Variants in CD4 observed in about 807,000 individuals in gnomAD.
CD4 encodes the protein CD4 molecule, also known as T-cell surface glycoprotein CD4.
A neutral mutation model predicts 50.5 loss-of-function variants in CD4; 25 were observed. The observed-to-expected ratio is 0.49, with a 90% CI of 0.36 to 0.69. The LOEUF (loss-of-function observed/expected upper bound fraction) is 0.69. CD4 is among the 30% of genes least tolerant of loss of function. CD4 has a pLI of 0.00. For synonymous variants in CD4, 207 were observed against 221.9 expected, an observed-to-expected ratio of 0.93 and a Z score of 0.60; for missense variants, 456 against 548.5, an observed-to-expected ratio of 0.83 and a Z score of 1.68.
rs147732769 is a variant in CD4 at position 6,817,030 on chromosome 12, C to G, written c.956-100C>G. The G allele has an allele frequency of 6.0e-6, 6 of 1,006,796 alleles. No homozygotes were observed. The South Asian group carries it at 9.1e-5, about 15-fold the overall frequency. The allele number at this position is 1,006,796 out of a possible 1,614,324, so 62.4% of individuals were successfully genotyped here. On this transcript the variant is annotated intron_variant, in intron 6 of 9. Transcript: ENST00000011653. ...TTTCCTCGTAGGACTGCATGAAAACCTGCTCTAAAAGGCTAAAAGAAGGTC... is the reference window on the plus strand; with the variant it reads ...TTTCCTCGTAGGACTGCATGAAAACGTGCTCTAAAAGGCTAAAAGAAGGTC...
chr12:6,811,362 C>T (rs915054032), intron 3 of CD4, among the ~76,000 whole-genome samples: 4 of 152,080 alleles, frequency 2.6e-5, no homozygotes, highest in Non-Finnish European at 5.9e-5. Flanking sequence ...TTAGATTTTA[C>T]AAGAAGAGGC....
chr12:6,816,106 G>A lies in CD4; in HGVS notation c.658G>A (p.Glu220Lys), dbSNP rs200486856. ...CTATAAGAAAGAGGGGGAACAGGTGGAGTTCTCCTTCCCACTCGCCTTTAC... is the reference window on the plus strand; with the variant it reads ...CTATAAGAAAGAGGGGGAACAGGTGAAGTTCTCCTTCCCACTCGCCTTTAC... ...IVYKKEGEQV[E>K]FSFPLAFTVE... Residue 220 changes from glutamate to lysine, a missense_variant, in exon 6 of 10, where the codon GAG becomes AAG. Glu to Lys is a moderately conservative substitution (Grantham distance 56). Transcript: ENST00000011653. The surrounding 1 kb of genome is among the most constrained non-coding windows in gnomAD (Gnocchi z 4.9). 1.2e-6 allele frequency: 2 copies of A among 1,614,196 alleles called. No individual in the cohort carries two copies. Among genetic ancestry groups the A allele is most frequent in the Non-Finnish European group, 1.7e-6 (2 of 1,180,036 alleles).
At chr12:6,809,305 G>C (rs1437536211) in intron 3 of CD4, among the ~76,000 whole-genome samples, 5 of 152,086 alleles carry the variant, frequency 3.3e-5, no homozygotes, top group African/African-American at 4.8e-5. Flanking sequence ...AGACCAGCCT[G>C]GGCAACAGGG....
chr12:6,815,494 T>C lies in CD4; in HGVS notation c.607+502T>C, dbSNP rs117393534. 8.1e-4 allele frequency among the ~76,000 whole-genome samples: 124 copies of C among 152,312 alleles called. 1 individual carries two copies. Among genetic ancestry groups the C allele is most frequent in the Non-Finnish European group, 1.5e-3 (104 of 68,020 alleles). ...GTGACTTAAGGTAGACATAAGGTAGTGTGCCAGTTTAGTGCATGTACGCTG... is the reference window on the plus strand; with the variant it reads ...GTGACTTAAGGTAGACATAAGGTAGCGTGCCAGTTTAGTGCATGTACGCTG... On this transcript the variant is annotated intron_variant, in intron 5 of 9. Coordinates refer to ENST00000011653, the MANE Select transcript of CD4 (RefSeq NM_000616.5).
chr12:6,809,646 T>C (rs74689631), intron 3 of CD4, among the ~76,000 whole-genome samples: 1,824 of 152,270 alleles, frequency 0.012, 33 homozygotes, highest in African/African-American at 0.041. Context: ...TGGATTTCCC[T>C]TCCCCCTGCT....
intron 3 of CD4, among the ~76,000 whole-genome samples, chr12:6,808,450 C>CAAAAAAAAAAAAAAAAA (rs3032789): frequency 5.3e-5 from 2 of 37,814 alleles, no homozygotes; most frequent in African/African-American, 9.9e-5. Context: ...GATTCTGTCT[C>CAAAAAAAAAAAAAAAAA]AAAAAAAAAA....
chr12:6,809,890 C>CTT (rs33952514), intron 3 of CD4, among the ~76,000 whole-genome samples: 49,297 of 125,714 alleles, frequency 0.39, 10,666 homozygotes, highest in Non-Finnish European at 0.42. Context: ...GCCTATACCT[C>CTT]TTTTTTTTTT....
intron 3 of CD4, among the ~76,000 whole-genome samples, chr12:6,809,860 C>T (rs1942883928): frequency 6.6e-6 from 1 of 151,738 alleles, no homozygotes; most frequent in South Asian, 2.1e-4. Context: ...GTCCTTGCTG[C>T]TCCCCGTCTC....
rs1262839712 is a variant in CD4 at position 6,820,306 on chromosome 12, CT to C, written c.*978del. ...CTTCATCCCCCGCTGGTGGCAGAAT[CT>C]GTTACCAGAGGACAAAGCCTTTGGC... On this transcript the variant is annotated 3_prime_UTR_variant, in exon 10 of 10. Coordinates refer to ENST00000011653, the MANE Select transcript of CD4 (RefSeq NM_000616.5). 1.3e-5 allele frequency: 2 copies of C among 152,274 alleles called. No homozygotes were observed. Among genetic ancestry groups the C allele is most frequent in the African/African-American group, 4.8e-5 (2 of 41,458 alleles). 9.4% of individuals were successfully genotyped at this position (152,274 alleles called of 1,614,324 possible). A position where few individuals can be genotyped will look rare whatever the true frequency, so the allele number is the denominator to read the frequency against.
chr12:6,808,257 C>T (rs782803656), intron 3 of CD4, among the ~76,000 whole-genome samples: 8 of 147,494 alleles, frequency 5.4e-5, no homozygotes, highest in East Asian at 4.1e-4. Context: ...GATTGAGCCA[C>T]TCTGGCTAAC....
At chr12:6,801,767 A>G (rs11837225) in intron 3 of CD4, among the ~76,000 whole-genome samples, 34,351 of 149,576 alleles carry the variant, frequency 0.23, 4,536 homozygotes, top group African/African-American at 0.37. Context: ...TCACGGTGTT[A>G]GCCAGGCTGG....
chr12:6,818,255 C>T lies in CD4; in HGVS notation c.1157-166C>T, dbSNP rs1023706331. Among the ~76,000 whole-genome samples the T allele has an allele frequency of 2.6e-5, 4 of 152,204 alleles. No homozygotes were observed. The highest frequency in any genetic ancestry group is 5.9e-5 in the Non-Finnish European group (4 of 68,040). On this transcript the variant is annotated intron_variant, in intron 7 of 9. Transcript: ENST00000011653. This position sits in a 1 kb window ranked among gnomAD's most constrained non-coding sequence, Gnocchi z 5.0. ...GATATGGATATGCCCAAACATAAAA[C>T]CGATTCCCCAGCACTGGCGGCCTTT...
intron 1 of CD4, among the ~76,000 whole-genome samples, chr12:6,791,065 A>T (rs1172435703): frequency 1.3e-5 from 2 of 152,198 alleles, no homozygotes; most frequent in Non-Finnish European, 2.9e-5. Flanking sequence ...CACTCGGGAG[A>T]TGATTTCCCT....
Position 6,819,386 on chromosome 12 carries a change from C to G in CD4, c.*57C>G. On this transcript the variant is annotated 3_prime_UTR_variant, in exon 10 of 10. Coordinates refer to ENST00000011653, the MANE Select transcript of CD4 (RefSeq NM_000616.5). ...CTCCCCAGGTGTCTGCCCCGCGTTTCCTGCCTGCGGACCAGATGAATGTAG... is the reference window on the plus strand; with the variant it reads ...CTCCCCAGGTGTCTGCCCCGCGTTTGCTGCCTGCGGACCAGATGAATGTAG... The G allele has an allele frequency of 6.5e-7, 1 of 1,546,384 alleles. No homozygotes were observed. Among genetic ancestry groups the G allele is most frequent in the Non-Finnish European group, 8.9e-7 (1 of 1,118,350 alleles).
intron 1 of CD4, among the ~76,000 whole-genome samples, chr12:6,797,821 T>C (rs1340526005): frequency 6.6e-6 from 1 of 152,190 alleles, no homozygotes; most frequent in Non-Finnish European, 1.5e-5. Context: ...AAGGCAGTTT[T>C]CTCCTCTCTC....
intron 1 of CD4, among the ~76,000 whole-genome samples, chr12:6,798,258 C>T (rs1180452535): frequency 4.5e-5 from 4 of 88,226 alleles, no homozygotes; most frequent in African/African-American, 1.7e-4. Context: ...CCACCTCTGC[C>T]TCCCGGGTTC....
Position 6,802,035 on chromosome 12 carries a change from G to C in CD4, c.214+1564G>C, listed in dbSNP as rs782583987. Among the ~76,000 whole-genome samples the C allele has an allele frequency of 1.1e-4, 16 of 151,372 alleles. No individual in the cohort carries two copies. The East Asian group carries it at 2.9e-3, about 28-fold the overall frequency. On this transcript the variant is annotated intron_variant, in intron 3 of 9. Coordinates refer to ENST00000011653, the MANE Select transcript of CD4 (RefSeq NM_000616.5). ...ACTACAGGCGTGTGCCACCATGCCC[G>C]GCTAATTTGCGTATTTTTAGTAGAG...
Position 6,818,679 on chromosome 12 carries a change from T to A in CD4, c.1278+137T>A. On this transcript the variant is annotated intron_variant, in intron 8 of 9. Coordinates refer to ENST00000011653, the MANE Select transcript of CD4 (RefSeq NM_000616.5). This position sits in a 1 kb window ranked among gnomAD's most constrained non-coding sequence, Gnocchi z 5.0. ...AGTTCCCTTGCTGCCCTGTCCCAGA[T>A]CCCACTCAAGGGAGAGACAGGAAGG... 1.3e-5 allele frequency: 16 copies of A among 1,254,628 alleles called. No individual in the cohort carries two copies. The highest frequency in any genetic ancestry group is 1.8e-5 in the Non-Finnish European group (16 of 872,058). 77.7% of individuals were successfully genotyped at this position (1,254,628 alleles called of 1,614,324 possible).
intron 3 of CD4, among the ~76,000 whole-genome samples, chr12:6,802,529 A>C (rs1942595300): frequency 6.6e-6 from 1 of 151,746 alleles, no homozygotes. Context: ...GCTGGTCTTG[A>C]ATTCCTAGGC....
Sources: allele counts gnomAD v4.1 joint callset (sites outside exome capture counted in the v4.1 genomes callset), GRCh38; gene constraint gnomAD v4.1.1; non-coding constraint Gnocchi (gnomAD v3.1); transcripts MANE v1.5; gene names NCBI Gene and HGNC (gene_info 2026-07-23, HGNC 2026-07-21).